Variants in NIPSNAP2 observed in about 807,000 individuals in gnomAD.
NIPSNAP2 encodes the protein protein NipSnap homolog 2.
In NIPSNAP2, 42 loss-of-function variants were observed where a neutral mutation model predicts 48.4. That is an observed-to-expected ratio of 0.87 (90% confidence interval 0.68 to 1.12). The LOEUF (loss-of-function observed/expected upper bound fraction) is 1.12, where lower values mean the gene tolerates loss of function less well. Ranked by LOEUF, NIPSNAP2 falls within the 50% of genes most tolerant of loss-of-function variation. NIPSNAP2 has a pLI of 0.00. For synonymous variants in NIPSNAP2, 158 were observed against 126.6 expected (o/e 1.25, Z -1.67); for missense variants, 314 against 347.3 (o/e 0.90, Z 0.76).
intron 1 of NIPSNAP2, among the ~76,000 whole-genome samples, chr7:55,975,091 G>A (rs1187714551): frequency 6.6e-6 from 1 of 152,070 alleles, no homozygotes; most frequent in Non-Finnish European, 1.5e-5. Flanking sequence ...GGTGGCTCAT[G>A]CTCGAAATCT....
chr7:55,969,481 CT>C (rs949054597), intron 1 of NIPSNAP2, among the ~76,000 whole-genome samples: 1 of 152,152 alleles, frequency 6.6e-6, no homozygotes, highest in Non-Finnish European at 1.5e-5. Context: ...TCAACAGGTA[CT>C]TCGTTAGAGC....
intron 1 of NIPSNAP2, among the ~76,000 whole-genome samples, chr7:55,975,930 A>G (rs964884087): frequency 1.3e-5 from 2 of 152,230 alleles, no homozygotes; most frequent in Admixed American, 6.5e-5. Flanking sequence ...CCAGCTACTC[A>G]GGAGGCTGAG....
chr7:55,994,767 C>G (rs1787522835), intron 7 of NIPSNAP2, 127 bp from the exon 8 acceptor site: 1 of 739,164 alleles, frequency 1.4e-6, no homozygotes, highest in Non-Finnish European at 2.4e-6. Flanking sequence ...TAACTTGATA[C>G]CAGTTTGATA....
chr7:55,984,881 G>GAGT lies in NIPSNAP2; in HGVS notation c.617+5_617+7dup, dbSNP rs1353957670. ...ATGATTGAATGGGGCAATTACTGGT[G>GAGT]AGTATATTACTGAATGGTGATTTTT... On this transcript the variant is annotated splice_donor_region_variant and intron_variant, in intron 7 of 9. Coordinates refer to ENST00000322090, the MANE Select transcript of NIPSNAP2 (RefSeq NM_001483.3). The GAGT allele has an allele frequency of 6.2e-7, 1 of 1,608,448 alleles. No individual in the cohort carries two copies. Among genetic ancestry groups the GAGT allele is most frequent in the African/African-American group, 1.3e-5 (1 of 74,674 alleles).
Position 55,973,339 on chromosome 7 carries a change from T to C in NIPSNAP2, c.93-4787T>C, listed in dbSNP as rs145529982. The stretch of plus-strand genomic sequence containing the variant: ...TTTATCTTTCAAGAAAAATTGCATT[T>C]ACTGGTATTGTTATTTTGCTTGTTT... On this transcript the variant is annotated intron_variant, in intron 1 of 9. Coordinates refer to ENST00000322090, the MANE Select transcript of NIPSNAP2 (RefSeq NM_001483.3). Among the ~76,000 whole-genome samples the C allele has an allele frequency of 4.8e-3, 727 of 152,260 alleles. 6 individuals carry two copies. Among genetic ancestry groups the C allele is most frequent in the African/African-American group, 0.016 (679 of 41,546 alleles).
chr7:55,984,745 A>G, intron 6 of NIPSNAP2, 102 bp from the exon 7 acceptor site: 2 of 839,272 alleles, frequency 2.4e-6, no homozygotes, highest in Non-Finnish European at 3.9e-6. Flanking sequence ...AGGTTTTTTG[A>G]AGTTAGTTTT....
chr7:55,984,991 A>AC, intron 7 of NIPSNAP2, 113 bp downstream of exon 7: 1 of 740,016 alleles, frequency 1.4e-6, no homozygotes, highest in South Asian at 1.8e-5. Flanking sequence ...TTAACACTGC[A>AC]CTAATGTTTC....
intron 4 of NIPSNAP2, chr7:55,981,988 G>A (rs1007001853): frequency 2.8e-6 from 1 of 360,894 alleles, no homozygotes; most frequent in African/African-American, 2.1e-5. Flanking sequence ...TGTATTTTTA[G>A]TAGAGACAGG....
Position 55,964,675 on chromosome 7 carries a change from C to G in NIPSNAP2, c.66C>G (p.Ala22=), listed in dbSNP as rs1483006024. 2 of 1,122,030 alleles carry G rather than the reference C, an allele frequency of 1.8e-6. No homozygotes were observed. Among genetic ancestry groups the G allele is most frequent in the African/African-American group, 1.7e-5 (1 of 60,468 alleles). 69.5% of individuals were successfully genotyped at this position (1,122,030 alleles called of 1,614,324 possible). Residue 22 remains alanine, a synonymous_variant, in exon 1 of 10, where the codon GCC becomes GCG. Coordinates refer to ENST00000322090, the MANE Select transcript of NIPSNAP2 (RefSeq NM_001483.3). ...AWAGGLLQRA[A]PCSLLPRLRT... is the part of the protein sequence containing the mutation. Reference sequence around the variant, plus strand: ...CCGGCGGCCTCCTGCAGCGGGCGGCCCCCTGCAGCCTCCTGCCCAGGCTCC... The same window carrying G: ...CCGGCGGCCTCCTGCAGCGGGCGGCGCCCTGCAGCCTCCTGCCCAGGCTCC...
chr7:55,986,937 A>G (rs1161094484), intron 7 of NIPSNAP2, among the ~76,000 whole-genome samples: 1 of 139,094 alleles, frequency 7.2e-6, no homozygotes, highest in Non-Finnish European at 1.5e-5. Flanking sequence ...GCTTGATGCT[A>G]GGAGTTGGTG....
chr7:55,964,636 CG>C lies in NIPSNAP2; in HGVS notation c.29del (p.Gly10GlufsTer37). 1 of 1,073,428 alleles carries C rather than the reference CG, an allele frequency of 9.3e-7. No individual in the cohort carries two copies. Among genetic ancestry groups the C allele is most frequent in the Non-Finnish European group, 1.1e-6 (1 of 888,062 alleles). The allele number at this position is 1,073,428 out of a possible 1,614,324, so 66.5% of individuals were successfully genotyped here. A position where few individuals can be genotyped will look rare whatever the true frequency, so the allele number is the denominator to read the frequency against. ...TGGCGGCGCGAGTGCTGCGCGCCCG[CG>C]GAGCGGCCTGGGCCGGCGGCCTCCT... MAARVLRAR[G>X]AAWAGGLLQR... is the part of the protein sequence containing the mutation. On this transcript the variant is annotated frameshift_variant, in exon 1 of 10. Transcript: ENST00000322090. LOFTEE classifies it high-confidence loss of function.
chr7:55,978,033 G>T (rs1787135664), intron 1 of NIPSNAP2, 93 bp from the exon 2 acceptor site: 3 of 1,417,724 alleles, frequency 2.1e-6, no homozygotes, highest in Non-Finnish European at 2.9e-6. Flanking sequence ...TTCTGGAACG[G>T]TGCCTAGAAT....
chr7:55,976,710 A>G (rs981975607), intron 1 of NIPSNAP2, among the ~76,000 whole-genome samples: 10 of 152,124 alleles, frequency 6.6e-5, no homozygotes, highest in Admixed American at 6.6e-4. Flanking sequence ...ACATAGCAAG[A>G]CCCCATCTCT....
intron 5 of NIPSNAP2, among the ~76,000 whole-genome samples, chr7:55,983,129 A>G (rs1787255593): frequency 6.6e-6 from 1 of 151,710 alleles, no homozygotes; most frequent in Non-Finnish European, 1.5e-5. Context: ...CCTCAAAAAA[A>G]CAACACAAAA....
At chr7:55,967,794 CG>C (rs1458780091) in intron 1 of NIPSNAP2, among the ~76,000 whole-genome samples, 1 of 151,798 alleles carries the variant, frequency 6.6e-6, no homozygotes, top group Non-Finnish European at 1.5e-5. Context: ...GACTTACAGG[CG>C]TGCACCACCA....
chr7:55,982,778 T>G (rs993054211), intron 5 of NIPSNAP2, among the ~76,000 whole-genome samples: 1 of 151,588 alleles, frequency 6.6e-6, no homozygotes, highest in African/African-American at 2.4e-5. Context: ...TTCTTATTGT[T>G]CTTATTATAA....
At chr7:55,986,882 C>G (rs1268906495) in intron 7 of NIPSNAP2, among the ~76,000 whole-genome samples, 2 of 150,482 alleles carry the variant, frequency 1.3e-5, no homozygotes, top group Non-Finnish European at 3.0e-5. Flanking sequence ...TGTGGTGGCT[C>G]ACACCCGTAA....
Position 55,978,526 on chromosome 7 carries a change from CT to C in NIPSNAP2, c.278+133del, listed in dbSNP as rs1229812772. 5 of 850,494 alleles carry C rather than the reference CT, an allele frequency of 5.9e-6. No homozygotes were observed. The African/African-American group carries it at 8.6e-5, about 15-fold the overall frequency. 52.7% of individuals were successfully genotyped at this position (850,494 alleles called of 1,614,324 possible). ...TTTTGAAGCTGAACATTCAGAGGCT[CT>C]TAAACTGAGCTTCATGTGGGATTGC... On this transcript the variant is annotated intron_variant, in intron 3 of 9. Transcript: ENST00000322090.
Position 55,978,401 on chromosome 7 carries a change from T to G in NIPSNAP2, c.278+6T>G. 1 of 1,605,476 alleles carries G rather than the reference T, an allele frequency of 6.2e-7. No individual in the cohort carries two copies. Among genetic ancestry groups the G allele is most frequent in the Non-Finnish European group, 8.5e-7 (1 of 1,175,536 alleles). On this transcript the variant is annotated splice_donor_region_variant and intron_variant, in intron 3 of 9. Transcript: ENST00000322090. ...GAAGCATACAACAAAATTTGGTGTG[T>G]ATACCAAACTATCCTTTACTTGGGG...
Sources: gnomAD v4.1 joint callset for allele counts (sites outside exome capture counted in the v4.1 genomes callset) on GRCh38, gnomAD v4.1.1 for gene constraint, MANE v1.5 for transcripts, NCBI Gene and HGNC (gene_info 2026-07-23, HGNC 2026-07-21) for gene names.